The following SLC2A14 variants were observed in gnomAD, a reference collection of about 807,000 sequenced individuals.
The protein encoded by SLC2A14 is solute carrier family 2, facilitated glucose transporter member 14.
In SLC2A14, 13 loss-of-function variants were observed where a neutral mutation model predicts 43.0. The ratio of observed to expected loss-of-function variants is 0.30; its 90% CI spans 0.20 to 0.48. SLC2A14 has a LOEUF of 0.48. Among genes scored for constraint, SLC2A14 ranks in the 20% least tolerant of loss-of-function variants. The pLI is 0.99. For missense variants in SLC2A14, 428 were observed against 620.4 expected, an observed-to-expected ratio of 0.69 and a Z score of 3.29; for synonymous variants, 190 against 233.8, an observed-to-expected ratio of 0.81 and a Z score of 1.71.
At chr12:7,818,738 T>C (rs998582396) in intron 9 of SLC2A14, among the ~76,000 whole-genome samples, 8 of 151,348 alleles carry the variant, frequency 5.3e-5, no homozygotes, top group Admixed American at 5.3e-4. Flanking sequence ...CCTAGGCTGG[T>C]CTTGAACTTC....
At chr12:7,885,381 C>T (rs1429907025) in intron 1 of SLC2A14, among the ~76,000 whole-genome samples, 1 of 152,050 alleles carries the variant, frequency 6.6e-6, no homozygotes, top group African/African-American at 2.4e-5. Flanking sequence ...GGGAGAATCG[C>T]TTGAATCCAG....
At chr12:7,820,956 G>A (rs7298889) in intron 8 of SLC2A14, among the ~76,000 whole-genome samples, 91,976 of 151,724 alleles carry the variant, frequency 0.61, 28,280 homozygotes, top group African/African-American at 0.71. Context: ...GCGTGGTGGC[G>A]CACACCTGTA....
In SLC2A14 at chr12:7,835,949, T is replaced by C. The variant is rs1476942712; in HGVS notation, c.19-3135A>G. 6.0e-4 allele frequency among the ~76,000 whole-genome samples: 92 copies of C among 152,326 alleles called. 1 individual carries two copies. The highest frequency in any genetic ancestry group is 5.3e-3 in the Admixed American group (81 of 15,288). On this transcript the variant is annotated intron_variant, in intron 2 of 10. Coordinates refer to ENST00000431042, the MANE Select transcript of SLC2A14 (RefSeq NM_001286234.2). ...AACATTTGAGAAATGTTGATTTTCC[T>C]GTCTAAACTGGGTTTAAATCATCCA...
Position 7,829,949 on chromosome 12 carries a change from T to C in SLC2A14, c.330A>G (p.Gly110=), listed in dbSNP as rs770022305. 5.6e-5 allele frequency: 90 copies of C among 1,614,148 alleles called. No individual in the cohort carries two copies. In the African/African-American group the frequency reaches 1.1e-3, roughly 20 times the overall value. ...LLAATGGCLM[G]LCKIAESVEM... is the part of the protein sequence containing the mutation. ...CAACTGACTCAGCTATTTTACACAG[T>C]CCCATAAGGCAGCCACCAGTGGCAG... is the stretch of plus-strand genomic sequence containing the variant. The change falls in exon 5 of 11, where the codon GGA becomes GGG. Residue 110 remains glycine (G), a synonymous_variant. Transcript: ENST00000431042.
At position 7,864,830 on chromosome 12, in the gene SLC2A14, T is replaced by C. The variant is rs1313278726; in HGVS notation, c.18+5033A>G. On this transcript the variant is annotated intron_variant, in intron 2 of 10. Coordinates refer to ENST00000431042, the MANE Select transcript of SLC2A14 (RefSeq NM_001286234.2). ...CAGGCTCTAATCAGATAAGCCTCCATACTCTTAGGGTATTTTCATATGCCT... is the reference window on the plus strand; with the variant it reads ...CAGGCTCTAATCAGATAAGCCTCCACACTCTTAGGGTATTTTCATATGCCT... 2.6e-5 allele frequency among the ~76,000 whole-genome samples: 4 copies of C among 152,092 alleles called. No individual in the cohort carries two copies. The East Asian group carries it at 7.7e-4, about 29-fold the overall frequency.
Position 7,816,350 on chromosome 12 carries a change from C to T in SLC2A14, c.1275+1481G>A, listed in dbSNP as rs762822797. ...CGATCTCCTGACCTCATGATCCACCCGCCTCGGCCTCCCAAAGTGCTGGGA... is the reference window on the plus strand; with the variant it reads ...CGATCTCCTGACCTCATGATCCACCTGCCTCGGCCTCCCAAAGTGCTGGGA... On this transcript the variant is annotated intron_variant, in intron 10 of 10. Coordinates refer to ENST00000431042, the MANE Select transcript of SLC2A14 (RefSeq NM_001286234.2). Among the ~76,000 whole-genome samples the T allele has an allele frequency of 9.9e-4, 49 of 49,250 alleles. 11 individuals carry two copies. The highest frequency in any genetic ancestry group is 1.8e-3 in the East Asian group (3 of 1,642). 32.3% of individuals were successfully genotyped at this position (49,250 alleles called of 152,430 possible).
At position 7,879,469 on chromosome 12, in the gene SLC2A14, G is replaced by A. The variant is rs1272647188; in HGVS notation, c.132+11527C>T. Among the ~76,000 whole-genome samples the A allele has an allele frequency of 3.3e-5, 5 of 152,096 alleles. No homozygotes were observed. In the East Asian group the frequency reaches 7.7e-4, roughly 24 times the overall value. ...GGCCAAGGGGAGCGGATCAACTGAG[G>A]TCAGGAGTTCAAGGCCAGCCTGCCA... On this transcript the variant is annotated intron_variant, in intron 1 of 9. Coordinates refer to the SLC2A14 transcript ENST00000539924.
chr12:7,848,178 G>C (rs3953990), intron 2 of SLC2A14, among the ~76,000 whole-genome samples: 130,888 of 151,810 alleles, frequency 0.86, 56,408 homozygotes, highest in Middle Eastern at 0.97. Context: ...AAGGAATGAA[G>C]CAGTGGGAGG....
chr12:7,841,573 T>C (rs1264114680), intron 2 of SLC2A14, among the ~76,000 whole-genome samples: 1 of 152,224 alleles, frequency 6.6e-6, no homozygotes, highest in Non-Finnish European at 1.5e-5. Flanking sequence ...ATCTGTCATG[T>C]TAATAATTGA....
At chr12:7,857,301 C>T (rs1488934575) in intron 2 of SLC2A14, among the ~76,000 whole-genome samples, 1 of 136,962 alleles carries the variant, frequency 7.3e-6, no homozygotes, top group Non-Finnish European at 1.6e-5. Context: ...TCATAAAACA[C>T]ATATAGGCCA....
At chr12:7,819,139 C>A (rs978641993) in intron 9 of SLC2A14, among the ~76,000 whole-genome samples, 1 of 152,022 alleles carries the variant, frequency 6.6e-6, no homozygotes, top group Admixed American at 6.6e-5. Flanking sequence ...ATCACTTGAA[C>A]CCAGGAGGTA....
chr12:7,848,371 G>A (rs1340484839), intron 2 of SLC2A14, among the ~76,000 whole-genome samples: 2 of 121,102 alleles, frequency 1.7e-5, no homozygotes, highest in African/African-American at 3.0e-5. Flanking sequence ...ATCTCAGATT[G>A]TCTTTTTTTT....
upstream of SLC2A14, chr12:7,873,021 G>A (rs1319043787): frequency 3.0e-6 from 3 of 985,518 alleles, no homozygotes; most frequent in Admixed American, 1.2e-4. Flanking sequence ...GCACCCACCT[G>A]CGGTCAGAGC....
chr12:7,826,965 T>TTC (rs377612092), intron 7 of SLC2A14, among the ~76,000 whole-genome samples: 15,424 of 74,206 alleles, frequency 0.21, 3,462 homozygotes, highest in Middle Eastern at 0.26. Flanking sequence ...TTCTCTCTCT[T>TTC]TCTCTCTCTC....
chr12:7,828,620 C>A, intron 6 of SLC2A14, 84 bp downstream of exon 6: 1 of 1,399,284 alleles, frequency 7.1e-7, no homozygotes, highest in East Asian at 2.3e-5. Context: ...GGAAAGGGTA[C>A]GACAGAAAAT....
chr12:7,851,161 C>T (rs1389218387), intron 2 of SLC2A14, among the ~76,000 whole-genome samples: 2 of 152,112 alleles, frequency 1.3e-5, no homozygotes, highest in Non-Finnish European at 2.9e-5. Flanking sequence ...GTACAGACTA[C>T]GCTACAGACT....
At chr12:7,880,210 A>G (rs1193326199) in intron 1 of SLC2A14, among the ~76,000 whole-genome samples, 1 of 151,988 alleles carries the variant, frequency 6.6e-6, no homozygotes, top group Non-Finnish European at 1.5e-5. Context: ...CTAAGGCAGG[A>G]GAACAGCTTG....
chr12:7,828,080 T>C (rs1275497872), intron 6 of SLC2A14, among the ~76,000 whole-genome samples: 2 of 151,246 alleles, frequency 1.3e-5, no homozygotes, highest in Non-Finnish European at 2.9e-5. Context: ...ACAAATTAGA[T>C]GGGTTGGGCG....
intron 1 of SLC2A14, among the ~76,000 whole-genome samples, chr12:7,888,811 A>AAG (rs1555151777): frequency 0.01 from 1,008 of 100,140 alleles, 19 homozygotes; most frequent in Non-Finnish European, 0.019. Flanking sequence ...AAAAAAAAAA[A>AAG]AAAAGAAAAA....
Sources: allele counts gnomAD v4.1 joint callset (sites outside exome capture counted in the v4.1 genomes callset), GRCh38; gene constraint gnomAD v4.1.1; transcripts MANE v1.5; gene names NCBI Gene and HGNC (gene_info 2026-07-23, HGNC 2026-07-21).